The following PARD3B variants were observed in gnomAD, a reference collection of about 807,000 sequenced individuals.
PARD3B encodes par-3 family cell polarity regulator beta.
PARD3B carries 103 observed loss-of-function variants against 130.2 expected under a neutral mutation model. That is an observed-to-expected ratio of 0.79 (90% CI 0.67 to 0.93). PARD3B has a LOEUF of 0.93. Among genes scored for constraint, PARD3B ranks in the 40% least tolerant of loss-of-function variants. The probability of loss-of-function intolerance (pLI) is 0.00; values close to 1 mark genes in which losing one functional copy is unlikely to be tolerated. For synonymous variants in PARD3B, 583 were observed against 553.2 expected, an observed-to-expected ratio of 1.05 and a Z score of -0.76; for missense variants, 1,609 against 1,499.2, an observed-to-expected ratio of 1.07 and a Z score of -1.21.
At chr2:205,373,176 C>T (rs1017611963) in intron 18 of PARD3B, among the ~76,000 whole-genome samples, 6 of 152,100 alleles carry the variant, frequency 3.9e-5, no homozygotes, top group African/African-American at 1.4e-4. Flanking sequence ...GATGCAGGAC[C>T]TGGATGTTTT....
At chr2:205,383,139 G>GATAGATAGATAGATAGATAGATAGATAA (rs1480539066) in intron 18 of PARD3B, among the ~76,000 whole-genome samples, 128 of 129,944 alleles carry the variant, frequency 9.9e-4, no homozygotes, top group Middle Eastern at 3.9e-3. Context: ...TAGATAGATA[G>GATAGATAGATAGATAGATAGATAGATAA]ATCGATCTAA....
rs1433849960 is a variant in PARD3B at position 205,591,542 on chromosome 2, C to T, written c.3261-23914C>T. Among the ~76,000 whole-genome samples, 1 of 152,204 alleles carries T rather than the reference C, an allele frequency of 6.6e-6. No individual in the cohort carries two copies. The highest frequency in any genetic ancestry group is 6.5e-5 in the Admixed American group (1 of 15,280). Reference sequence around the variant, plus strand: ...ACTCAGTGGAAGCAAATAACCATTACTATCCCAATTTGACAGAGGAAGAAA... The same window carrying T: ...ACTCAGTGGAAGCAAATAACCATTATTATCCCAATTTGACAGAGGAAGAAA... On this transcript the variant is annotated intron_variant, in intron 22 of 22. Transcript: ENST00000406610. The surrounding 1 kb of genome is among the most constrained non-coding windows in gnomAD (Gnocchi z 4.2).
rs987348425 is a variant in PARD3B, at chr2:205,264,956, A to C, written c.2185+19134A>C. On this transcript the variant is annotated intron_variant, in intron 16 of 22. Transcript: ENST00000406610. ...GTGATTCCTGTTTATGTGATCATAA[A>C]TCTTAGTTTGCCTACTTCTTGCTTG... is the stretch of plus-strand genomic sequence containing the variant. Among the ~76,000 whole-genome samples, 9 of 151,076 alleles carry C rather than the reference A, an allele frequency of 6.0e-5. 2 individuals are homozygous for C. Among genetic ancestry groups the C allele is most frequent in the Admixed American group, 1.3e-4 (2 of 15,114 alleles).
intron 21 of PARD3B, among the ~76,000 whole-genome samples, chr2:205,503,654 G>A (rs893551306): frequency 2.0e-5 from 3 of 151,878 alleles, no homozygotes; most frequent in Admixed American, 1.3e-4. Context: ...TTGGCAATGC[G>A]GGCTCTTTTT....
At chr2:204,937,079 A>G (rs955798306) in intron 2 of PARD3B, among the ~76,000 whole-genome samples, 5 of 152,264 alleles carry the variant, frequency 3.3e-5, no homozygotes, top group African/African-American at 1.2e-4. Context: ...GGTCACATGA[A>G]CAAGAGCTCT....
chr2:205,500,100 G>A (rs2050105106), intron 21 of PARD3B, 69 bp downstream of exon 21: 6 of 1,544,116 alleles, frequency 3.9e-6, no homozygotes, highest in African/African-American at 1.4e-5. Context: ...GAAGAACACG[G>A]TCAAGAATGT....
Position 205,471,832 on chromosome 2 carries a change from A to G in PARD3B, c.3045-28064A>G, listed in dbSNP as rs368223518. Among the ~76,000 whole-genome samples, 13 of 152,228 alleles carry G rather than the reference A, an allele frequency of 8.5e-5. No individual in the cohort carries two copies. In the East Asian group the frequency reaches 2.5e-3, roughly 29 times the overall value. On this transcript the variant is annotated intron_variant, in intron 20 of 22. Transcript: ENST00000406610. ...AGGACCGTCACAGATAATTTCTGCAATAACATATATCTAGGGATGGTTTTC... is the reference window on the plus strand; with the variant it reads ...AGGACCGTCACAGATAATTTCTGCAGTAACATATATCTAGGGATGGTTTTC...
At chr2:204,641,095 C>A (rs2035062350) in intron 1 of PARD3B, among the ~76,000 whole-genome samples, 1 of 147,336 alleles carries the variant, frequency 6.8e-6, no homozygotes, top group Non-Finnish European at 1.5e-5. Context: ...ATTATATGTA[C>A]ATTTATATAT....
chr2:204,850,404 A>G lies in PARD3B; in HGVS notation c.223-114748A>G, dbSNP rs143679579. 2.5e-3 allele frequency among the ~76,000 whole-genome samples: 373 copies of G among 152,136 alleles called. 2 individuals are homozygous for G. The highest frequency in any genetic ancestry group is 8.7e-3 in the African/African-American group (361 of 41,478). On this transcript the variant is annotated intron_variant, in intron 2 of 22. Transcript: ENST00000406610. ...CTTTCTTGGACAACTGAGATTGTCT[A>G]TTTATTGTGATTGGGACTCATAGGC...
chr2:204,978,741 C>A (rs1692405559), intron 3 of PARD3B, among the ~76,000 whole-genome samples: 1 of 152,022 alleles, frequency 6.6e-6, no homozygotes, highest in Non-Finnish European at 1.5e-5. Context: ...GTGGGAGGAT[C>A]ACCTGAGGTC....
chr2:205,377,585 C>T (rs1341957382), intron 18 of PARD3B, among the ~76,000 whole-genome samples: 1 of 151,992 alleles, frequency 6.6e-6, no homozygotes, highest in Admixed American at 6.6e-5. Context: ...GGCTCCAAGT[C>T]TCTGATCTGG....
At chr2:205,140,118 TGA>T (rs1171730377) in intron 10 of PARD3B, among the ~76,000 whole-genome samples, 2 of 152,238 alleles carry the variant, frequency 1.3e-5, no homozygotes, top group African/African-American at 4.8e-5. Flanking sequence ...GCCGGCACAT[TGA>T]GAGGCCAGGG....
intron 15 of PARD3B, among the ~76,000 whole-genome samples, chr2:205,198,373 T>C (rs2125819640): frequency 6.6e-6 from 1 of 152,288 alleles, no homozygotes; most frequent in East Asian, 1.9e-4. Flanking sequence ...TTGTTAACAT[T>C]CCATGTCTCA....
chr2:205,505,396 AAAAT>A (rs2050322277), intron 21 of PARD3B, among the ~76,000 whole-genome samples: 2 of 147,068 alleles, frequency 1.4e-5, no homozygotes, highest in African/African-American at 5.4e-5. Flanking sequence ...ATAAAAAAAT[AAAAT>A]AAAATAAAAT....
At chr2:205,107,874 T>C (rs1703337329) in intron 5 of PARD3B, among the ~76,000 whole-genome samples, 2 of 152,200 alleles carry the variant, frequency 1.3e-5, no homozygotes. Flanking sequence ...AAAATTACAC[T>C]TTGAATGTCT....
chr2:205,550,204 A>G lies in PARD3B; in HGVS notation c.3181-3120A>G, dbSNP rs990280583. ...GAAAAACTCCTCCTCATCCATATTCAGGTTTGAGATGACGCTTCAACACCC... is the reference window on the plus strand; with the variant it reads ...GAAAAACTCCTCCTCATCCATATTCGGGTTTGAGATGACGCTTCAACACCC... On this transcript the variant is annotated intron_variant, in intron 21 of 22. Transcript: ENST00000406610. The surrounding 1 kb of genome is among the most constrained non-coding windows in gnomAD (Gnocchi z 4.5). Among the ~76,000 whole-genome samples, 2 of 152,072 alleles carry G rather than the reference A, an allele frequency of 1.3e-5. No homozygotes were observed. Among genetic ancestry groups the G allele is most frequent in the East Asian group, 3.9e-4 (2 of 5,188 alleles).
intron 2 of PARD3B, among the ~76,000 whole-genome samples, chr2:204,954,453 C>T (rs929736708): frequency 5.3e-5 from 8 of 152,162 alleles, no homozygotes; most frequent in East Asian, 3.9e-4. Context: ...GGTCAATCAG[C>T]GGGAGCTCAG....
chr2:205,415,782 T>C (rs974030061), intron 19 of PARD3B, among the ~76,000 whole-genome samples: 2 of 152,144 alleles, frequency 1.3e-5, no homozygotes, highest in African/African-American at 4.8e-5. Context: ...TGAACCAACA[T>C]GGGAATTTAA....
Position 205,230,201 on chromosome 2 carries a change from AC to A in PARD3B, c.2141-15574del, listed in dbSNP as rs1267798359. On this transcript the variant is annotated intron_variant, in intron 15 of 22. Transcript: ENST00000406610. The surrounding 1 kb of genome is among the most constrained non-coding windows in gnomAD (Gnocchi z 4.1). ...TCCCTCTCCTTTTCTCAAGCAGGAG[AC>A]CCTCTCCGTAGCCACCATAGTTGGG... Among the ~76,000 whole-genome samples the A allele has an allele frequency of 6.6e-6, 1 of 151,070 alleles. No individual in the cohort carries two copies. Among genetic ancestry groups the A allele is most frequent in the Non-Finnish European group, 1.5e-5 (1 of 67,864 alleles).
Sources: allele counts gnomAD v4.1 joint callset (sites outside exome capture counted in the v4.1 genomes callset), GRCh38; gene constraint gnomAD v4.1.1; non-coding constraint Gnocchi (gnomAD v3.1); transcripts MANE v1.5; gene names NCBI Gene and HGNC (gene_info 2026-07-23, HGNC 2026-07-21).